Variants in SHISA9 observed in about 807,000 individuals in gnomAD.
SHISA9 encodes the protein shisa family member 9.
A neutral mutation model predicts 38.0 loss-of-function variants in SHISA9; 13 were observed. The ratio of observed to expected loss-of-function variants is 0.34; its 90% confidence interval spans 0.22 to 0.54. The LOEUF (loss-of-function observed/expected upper bound fraction) is 0.54, where lower values mean the gene tolerates loss of function less well. Ranked by LOEUF, SHISA9 falls within the 20% of genes least tolerant of loss-of-function variation. The pLI is 0.91. For synonymous variants in SHISA9, 275 were observed against 242.0 expected (o/e 1.14, Z -1.27); for missense variants, 538 against 575.8 (o/e 0.93, Z 0.67).
At chr16:12,962,937 C>T (rs1233723029) in intron 2 of SHISA9, among the ~76,000 whole-genome samples, 2 of 152,166 alleles carry the variant, frequency 1.3e-5, no homozygotes, top group Admixed American at 1.3e-4. Context: ...AGTCCAGTAC[C>T]CTCCTTCCAC....
chr16:13,002,090 G>A (rs1367550794), intron 2 of SHISA9, among the ~76,000 whole-genome samples: 2 of 152,190 alleles, frequency 1.3e-5, no homozygotes, highest in African/African-American at 4.8e-5. Context: ...AAACTCCCTG[G>A]TGATTGAAAA....
intron 4 of SHISA9, among the ~76,000 whole-genome samples, chr16:13,232,522 A>T (rs1189100806): frequency 1.3e-5 from 2 of 152,200 alleles, no homozygotes; most frequent in African/African-American, 4.8e-5. Flanking sequence ...TTCTGAGCCA[A>T]ATAGGAGTGA....
At chr16:13,240,579 C>T (rs1311113952), downstream of SHISA9, among the ~76,000 whole-genome samples, 3 of 152,176 alleles carry the variant, frequency 2.0e-5, no homozygotes, top group African/African-American at 2.4e-5. Context: ...AACATATACA[C>T]ATTTTCCAGG....
the SHISA9 span, among the ~76,000 whole-genome samples, chr16:13,492,238 G>A: frequency 6.6e-6 from 1 of 152,122 alleles, no homozygotes; most frequent in Non-Finnish European, 1.5e-5. Context: ...CTGTGGGCGA[G>A]CACTGGGGAA....
chr16:13,483,641 G>A, the SHISA9 span, among the ~76,000 whole-genome samples: 7 of 151,924 alleles, frequency 4.6e-5, no homozygotes, highest in East Asian at 3.9e-4. Flanking sequence ...ATCCTTCCCC[G>A]GTCTTTCTGA....
the SHISA9 span, among the ~76,000 whole-genome samples, chr16:13,476,867 G>A: frequency 6.8e-6 from 1 of 146,710 alleles, no homozygotes; most frequent in Non-Finnish European, 1.5e-5. Context: ...TCCTGCCTCA[G>A]CCTCCCGAGT....
chr16:12,957,627 G>A (rs1358685590), intron 2 of SHISA9, among the ~76,000 whole-genome samples: 1 of 152,144 alleles, frequency 6.6e-6, no homozygotes, highest in East Asian at 1.9e-4. Context: ...TCACATTGAG[G>A]GGTAGGATTT....
intron 2 of SHISA9, among the ~76,000 whole-genome samples, chr16:13,004,412 C>G (rs532747270): frequency 1.3e-5 from 2 of 152,170 alleles, no homozygotes; most frequent in Admixed American, 6.5e-5. Context: ...TGGACAGTAT[C>G]GGTTCATGCT....
At chr16:13,229,256 TAGTG>T (rs1359283889) in intron 4 of SHISA9, among the ~76,000 whole-genome samples, 2 of 152,216 alleles carry the variant, frequency 1.3e-5, no homozygotes, top group African/African-American at 4.8e-5. Context: ...CTTGGAACGC[TAGTG>T]AGTGAGACGG....
the SHISA9 span, among the ~76,000 whole-genome samples, chr16:13,473,349 CTT>C: frequency 0.012 from 850 of 73,908 alleles, 7 homozygotes; most frequent in African/African-American, 0.042. Flanking sequence ...TTCTTTCTTT[CTT>C]TTTTTTTTTT....
At chr16:13,344,328 C>G in the SHISA9 span, among the ~76,000 whole-genome samples, 175 of 152,198 alleles carry the variant, frequency 1.1e-3, no homozygotes, top group African/African-American at 4.0e-3. Flanking sequence ...AATTCATCTA[C>G]GAAAGGTTTG....
chr16:13,041,888 TAAG>T (rs773777144), intron 2 of SHISA9, among the ~76,000 whole-genome samples: 2 of 152,188 alleles, frequency 1.3e-5, no homozygotes, highest in South Asian at 4.1e-4. Flanking sequence ...CCAGGGGTAA[TAAG>T]AAGAATATTT....
intron 2 of SHISA9, among the ~76,000 whole-genome samples, chr16:13,042,247 A>T (rs1183715339): frequency 6.6e-6 from 1 of 152,180 alleles, no homozygotes; most frequent in African/African-American, 2.4e-5. Context: ...GTTCATGTTG[A>T]TTAGCTTCCA....
chr16:13,045,398 C>A (rs181186752), intron 2 of SHISA9, among the ~76,000 whole-genome samples: 45 of 152,210 alleles, frequency 3.0e-4, no homozygotes, highest in Non-Finnish European at 7.4e-5. Flanking sequence ...GAGCTCACAC[C>A]CCTCTGATAA....
the SHISA9 span, among the ~76,000 whole-genome samples, chr16:13,360,213 A>G: frequency 1.8e-3 from 268 of 152,364 alleles, 1 homozygote; most frequent in African/African-American, 6.0e-3. Flanking sequence ...AAGACCACTC[A>G]GAGAACTGTC....
chr16:13,521,641 A>G, the SHISA9 span, among the ~76,000 whole-genome samples: 4 of 152,206 alleles, frequency 2.6e-5, no homozygotes. Context: ...TTAAAAGTAG[A>G]TAGCTTTTGA....
At chr16:13,443,636 A>C in the SHISA9 span, among the ~76,000 whole-genome samples, 1 of 152,154 alleles carries the variant, frequency 6.6e-6, no homozygotes, top group Non-Finnish European at 1.5e-5. Context: ...CCAAGCCCCT[A>C]TGTTTTTATT....
rs1339396186 is a variant in SHISA9, at chr16:13,195,965, G to C, written c.692-7429G>C. On this transcript the variant is annotated intron_variant, in intron 2 of 4. Transcript: ENST00000558583. ...TAGCCAGGTGTGGTGGTGTGTGCCT[G>C]TGGTGCCAGCTACTCGGGAGGCTGA... Among the ~76,000 whole-genome samples, 5 of 151,752 alleles carry C rather than the reference G, an allele frequency of 3.3e-5. No homozygotes were observed. In the East Asian group the frequency reaches 9.7e-4, roughly 29 times the overall value.
At chr16:13,009,378 G>T (rs1397244052) in intron 2 of SHISA9, among the ~76,000 whole-genome samples, 1 of 152,118 alleles carries the variant, frequency 6.6e-6, no homozygotes, top group South Asian at 2.1e-4. Context: ...CGGAGCAAAG[G>T]CACAGAGATG....
Sources: gnomAD v4.1 joint callset for allele counts (sites outside exome capture counted in the v4.1 genomes callset) on GRCh38, gnomAD v4.1.1 for gene constraint, MANE v1.5 for transcripts, NCBI Gene and HGNC (gene_info 2026-07-23, HGNC 2026-07-21) for gene names.